The following DLGAP1 variants were observed in gnomAD, a reference collection of about 807,000 sequenced individuals.
The protein encoded by DLGAP1 is disks large-associated protein 1.
A neutral mutation model predicts 90.8 loss-of-function variants in DLGAP1; 11 were observed. The ratio of observed to expected loss-of-function variants is 0.12; its 90% confidence interval spans 0.08 to 0.20. DLGAP1 has a LOEUF of 0.20. DLGAP1 is among the 10% of genes least tolerant of loss of function. The pLI, the probability that DLGAP1 is intolerant of heterozygous loss-of-function variation, is 1.00. For missense variants in DLGAP1, 1,050 were observed against 1,333.8 expected (o/e 0.79, Z 3.31); for synonymous variants, 558 against 540.7 (o/e 1.03, Z -0.44).
intron 7 of DLGAP1, among the ~76,000 whole-genome samples, chr18:3,595,307 T>C (rs1462377644): frequency 6.6e-6 from 1 of 152,128 alleles, no homozygotes; most frequent in Non-Finnish European, 1.5e-5. Flanking sequence ...TTAAATGGTG[T>C]TTGGAGGAAG....
chr18:4,118,270 G>A (rs1024034072), intron 2 of DLGAP1, among the ~76,000 whole-genome samples: 11 of 152,040 alleles, frequency 7.2e-5, no homozygotes, highest in African/African-American at 2.4e-4. Context: ...TGCCTCTTTG[G>A]CCTGCCTCTT....
At chr18:4,344,094 C>G (rs574752281) in intron 1 of DLGAP1, among the ~76,000 whole-genome samples, 1 of 152,236 alleles carries the variant, frequency 6.6e-6, no homozygotes, top group East Asian at 1.9e-4. Flanking sequence ...TCAAATTCCA[C>G]AATTTAAAGA....
At chr18:4,051,843 G>A (rs1426353832) in intron 2 of DLGAP1, among the ~76,000 whole-genome samples, 3 of 152,126 alleles carry the variant, frequency 2.0e-5, no homozygotes, top group Non-Finnish European at 2.9e-5. Context: ...ACAGACATTG[G>A]GTAAATACAC....
intron 2 of DLGAP1, among the ~76,000 whole-genome samples, chr18:4,116,133 A>T (rs1354605312): frequency 6.6e-6 from 1 of 152,152 alleles, no homozygotes; most frequent in Non-Finnish European, 1.5e-5. Flanking sequence ...TCATTTTTCA[A>T]AGATAATTTT....
chr18:4,409,529 C>T (rs1020068526), intron 1 of DLGAP1, among the ~76,000 whole-genome samples: 3 of 152,084 alleles, frequency 2.0e-5, no homozygotes, highest in East Asian at 1.9e-4. Flanking sequence ...AAATTAATAT[C>T]GATGAGAGAC....
intron 2 of DLGAP1, among the ~76,000 whole-genome samples, chr18:4,120,166 A>G (rs1481050561): frequency 1.3e-5 from 2 of 152,204 alleles, no homozygotes; most frequent in African/African-American, 4.8e-5. Flanking sequence ...ACCTTTAAAA[A>G]CCATCCCTTG....
intron 7 of DLGAP1, among the ~76,000 whole-genome samples, chr18:3,672,891 C>A (rs1339682414): frequency 6.6e-6 from 1 of 152,168 alleles, no homozygotes; most frequent in Non-Finnish European, 1.5e-5. Context: ...CTGTTCTTTC[C>A]TCTCCATCCC....
At chr18:3,767,240 T>C (rs1354046864) in intron 5 of DLGAP1, among the ~76,000 whole-genome samples, 1 of 152,126 alleles carries the variant, frequency 6.6e-6, no homozygotes, top group Non-Finnish European at 1.5e-5. Flanking sequence ...TTCTTAAGGA[T>C]ATTGACTTTG....
chr18:4,368,558 T>C (rs1184172055), intron 1 of DLGAP1, among the ~76,000 whole-genome samples: 1 of 151,870 alleles, frequency 6.6e-6, no homozygotes, highest in African/African-American at 2.4e-5. Flanking sequence ...TGCTGCCTAC[T>C]TGACCTTGCA....
chr18:3,888,346 C>G (rs1017603053), intron 3 of DLGAP1, among the ~76,000 whole-genome samples: 1 of 152,022 alleles, frequency 6.6e-6, no homozygotes, highest in Non-Finnish European at 1.5e-5. Flanking sequence ...TTTGAATAAG[C>G]ACATTCTGAA....
At chr18:4,386,499 T>C (rs940067594) in intron 1 of DLGAP1, among the ~76,000 whole-genome samples, 1 of 152,210 alleles carries the variant, frequency 6.6e-6, no homozygotes, top group Non-Finnish European at 1.5e-5. Context: ...ATGATTAATG[T>C]CACATTAGCT....
At chr18:4,274,500 TA>T (rs2079365869) in intron 1 of DLGAP1, among the ~76,000 whole-genome samples, 1 of 152,232 alleles carries the variant, frequency 6.6e-6, no homozygotes, top group Non-Finnish European at 1.5e-5. Context: ...TCAATATCTT[TA>T]ATTCTAACTT....
chr18:4,111,980 C>T (rs1344383048), intron 2 of DLGAP1, among the ~76,000 whole-genome samples: 5 of 150,360 alleles, frequency 3.3e-5, no homozygotes, highest in Admixed American at 2.6e-4. Context: ...TTTATATTTG[C>T]TTTAACTTTA....
At chr18:3,773,378 G>A (rs1167134859) in intron 5 of DLGAP1, among the ~76,000 whole-genome samples, 2 of 151,970 alleles carry the variant, frequency 1.3e-5, no homozygotes, top group Admixed American at 1.3e-4. Context: ...GTATATACCA[G>A]GTGACTAACT....
rs139470727 is a variant in DLGAP1 at position 3,836,348 on chromosome 18, G to A, written c.958-22075C>T. Among the ~76,000 whole-genome samples the A allele has an allele frequency of 1.7e-3, 253 of 152,220 alleles. 2 individuals carry two copies. Among genetic ancestry groups the A allele is most frequent in the Admixed American group, 0.013 (201 of 15,292 alleles). ...ACTTTAGGAGAAAAGTGCATTTATCGGGTAATATGAAAGAGGAAATGAGGT... is the reference window on the plus strand; with the variant it reads ...ACTTTAGGAGAAAAGTGCATTTATCAGGTAATATGAAAGAGGAAATGAGGT... On this transcript the variant is annotated intron_variant, in intron 4 of 12. Coordinates refer to ENST00000315677, the MANE Select transcript of DLGAP1 (RefSeq NM_004746.4).
intron 7 of DLGAP1, among the ~76,000 whole-genome samples, chr18:3,631,946 A>G (rs2058540955): frequency 6.6e-6 from 1 of 151,704 alleles, no homozygotes; most frequent in African/African-American, 2.4e-5. Context: ...ACCACACCGA[A>G]TTTTCTTATT....
At chr18:4,081,671 G>A (rs1347588354) in intron 2 of DLGAP1, among the ~76,000 whole-genome samples, 2 of 152,158 alleles carry the variant, frequency 1.3e-5, no homozygotes, top group African/African-American at 4.8e-5. Flanking sequence ...ACTCATATTG[G>A]AGGAAGAAAG....
intron 7 of DLGAP1, among the ~76,000 whole-genome samples, chr18:3,620,965 T>C (rs2058075561): frequency 6.6e-6 from 1 of 152,144 alleles, no homozygotes; most frequent in African/African-American, 2.4e-5. Flanking sequence ...CCACCAGTAG[T>C]GTCAGCACCT....
chr18:3,881,310 T>C (rs956652432), intron 3 of DLGAP1, among the ~76,000 whole-genome samples: 1 of 152,034 alleles, frequency 6.6e-6, no homozygotes, highest in African/African-American at 2.4e-5. Flanking sequence ...TTTATGAGGT[T>C]TCACCATGTT....
Sources: allele counts gnomAD v4.1 joint callset (sites outside exome capture counted in the v4.1 genomes callset), GRCh38; gene constraint gnomAD v4.1.1; transcripts MANE v1.5; gene names NCBI Gene and HGNC (gene_info 2026-07-23, HGNC 2026-07-21).